Variants in PEX6 observed in about 807,000 individuals in gnomAD.
The protein encoded by PEX6 is peroxisomal biogenesis factor 6.
Under a neutral mutation model 85.6 loss-of-function variants are expected in PEX6, and 55 were observed. That is an observed-to-expected ratio of 0.64 (90% CI 0.52 to 0.80). The LOEUF is 0.80. Ranked by LOEUF, PEX6 falls within the 30% of genes least tolerant of loss-of-function variation. The pLI is 0.00. For missense variants in PEX6, 1,099 were observed against 1,260.3 expected, an observed-to-expected ratio of 0.87 and a Z score of 1.94; for synonymous variants, 519 against 549.1, an observed-to-expected ratio of 0.95 and a Z score of 0.77.
Position 42,967,647 on chromosome 6 carries a change from G to C in PEX6, c.1689-84C>G. The stretch of plus-strand genomic sequence containing the variant: ...GCCTTGTCCCAAAGTCGGCACAGAA[G>C]GGCAGGGAAGTGAGGTGGGTGCTAG... On this transcript the variant is annotated intron_variant, in intron 7 of 16. Transcript: ENST00000304611. The C allele has an allele frequency of 3.1e-6, 4 of 1,292,450 alleles. No homozygotes were observed. The South Asian group carries it at 3.8e-5, about 12-fold the overall frequency. 80.1% of individuals were successfully genotyped at this position (1,292,450 alleles called of 1,614,324 possible). A position where few individuals can be genotyped will look rare whatever the true frequency, so the allele number is the denominator to read the frequency against.
Position 42,978,727 on chromosome 6 carries a change from G to C in PEX6, c.424C>G (p.Arg142Gly). ...CCCAGCAGCCCTTGCAACGCCGGCC[G>C]CGTCTCCAGCACCCGCGGTCCGGGC... ...PVPGPRVLETRPALQGLLGPG... is the reference protein window; with the variant it reads ...PVPGPRVLETGPALQGLLGPG... The change falls in exon 1 of 17, where the codon CGG (arginine) becomes GGG (glycine). Residue 142 changes from arginine to glycine, a missense_variant. Arg to Gly is a moderately radical substitution (Grantham distance 125). This residue lies in a region of PEX6 where 579 missense variants were observed against 611.6 expected (regional missense o/e 0.95). Coordinates refer to ENST00000304611, the MANE Select transcript of PEX6 (RefSeq NM_000287.4). The C allele has an allele frequency of 6.5e-7, 1 of 1,538,898 alleles. No homozygotes were observed. The highest frequency in any genetic ancestry group is 8.7e-7 in the Non-Finnish European group (1 of 1,148,440).
In PEX6 at chr6:42,966,295, G is replaced by T. The variant is rs770291974; in HGVS notation, c.2247C>A (p.Gly749=). 6 of 1,612,390 alleles carry T rather than the reference G, an allele frequency of 3.7e-6. No individual in the cohort carries two copies. The Admixed American group carries it at 8.3e-5, about 22-fold the overall frequency. ...GLLLHGPPGT[G]KTLLAKAVAT... is the part of the protein sequence containing the mutation. ...CTACTGCCTTGGCCAGAAGGGTCTT[G>T]CCGGTGCCAGGGGGCCCATGGAGCA... The change falls in exon 11 of 17, where the codon GGC becomes GGA. Residue 749 remains glycine (G), a synonymous_variant. Transcript: ENST00000304611.
At chr6:42,974,442 G>GTTTTTGTTTTTTTTTTTTTTTTTTT (rs1561827292) in intron 2 of PEX6, among the ~76,000 whole-genome samples, 5 of 115,946 alleles carry the variant, frequency 4.3e-5, no homozygotes, top group Non-Finnish European at 5.1e-5. Flanking sequence ...TGTCTGAAAT[G>GTTTTTGTTTTTTTTTTTTTTTTTTT]TTTTTTTTGT....
At position 42,965,148 on chromosome 6, in the gene PEX6, C is replaced by A; in HGVS notation, c.2593G>T (p.Asp865Tyr). ...DPALLRPGRFDKLVFVGANED... is the reference protein window; with the variant it reads ...DPALLRPGRFYKLVFVGANED... ...TTTGCCCCCACAAACACCAGCTTGT[C>A]AAATCTTTAGGGAGATAGGCAGGTA... The change falls in exon 15 of 17, where the codon GAC becomes TAC. Residue 865 changes from aspartate to tyrosine, a missense_variant. Asp to Tyr is a radical substitution (Grantham distance 160). Coordinates refer to ENST00000304611, the MANE Select transcript of PEX6 (RefSeq NM_000287.4). The surrounding 1 kb of genome is among the most constrained non-coding windows in gnomAD (Gnocchi z 5.0). 6.2e-7 allele frequency: 1 copy of A among 1,614,168 alleles called. No homozygotes were observed. The highest frequency in any genetic ancestry group is 8.5e-7 in the Non-Finnish European group (1 of 1,179,996).
In PEX6 at chr6:42,967,582, G is replaced by T; in HGVS notation, c.1689-19C>A. 1 of 1,584,722 alleles carries T rather than the reference G, an allele frequency of 6.3e-7. No homozygotes were observed. On this transcript the variant is annotated intron_variant, in intron 7 of 16. Coordinates refer to ENST00000304611, the MANE Select transcript of PEX6 (RefSeq NM_000287.4). ...AGGGCAGCTGCAGACAGAGGAGTGG[G>T]CACTGAGGGTGAGAACATGGCTGGC...
chr6:42,978,126 T>C (rs1770381841), intron 1 of PEX6, 143 bp downstream of exon 1: 1 of 1,010,084 alleles, frequency 9.9e-7, no homozygotes, highest in African/African-American at 1.6e-5. Flanking sequence ...ATTACAGGCG[T>C]GAGTCACCGC....
At chr6:42,968,788 G>A (rs1408157450) in intron 6 of PEX6, 86 bp downstream of exon 6, 11 of 1,004,040 alleles carry the variant, frequency 1.1e-5, no homozygotes, top group Non-Finnish European at 1.8e-5. Flanking sequence ...GTAGACAGAG[G>A]AGGGAGGGGA....
intron 3 of PEX6, among the ~76,000 whole-genome samples, chr6:42,970,629 G>A (rs1770029091): frequency 6.6e-6 from 1 of 152,190 alleles, no homozygotes; most frequent in Non-Finnish European, 1.5e-5. Flanking sequence ...TGTTGAAAAT[G>A]TTCTGGAATG....
rs778025463 is a variant in PEX6 at position 42,969,722 on chromosome 6, A to G, written c.1313T>C (p.Leu438Pro). The change falls in exon 5 of 17, where the codon CTG becomes CCG. Residue 438 changes from leucine (L) to proline (P), a missense_variant. Physicochemically the swap from Leu to Pro is moderately conservative, Grantham distance 98 (BLOSUM62 -3). Around this residue, in one of 3 missense-constraint regions of PEX6, gnomAD observed 579 missense variants for 611.6 expected, o/e 0.95. Coordinates refer to ENST00000304611, the MANE Select transcript of PEX6 (RefSeq NM_000287.4). The part of the protein sequence containing the change: ...TLWSSLSPPG[L>P]EALVSELCAV... ...ACAGAGTTCAGACACCAAGGCCTCC[A>G]GGCCTGGAGGAGACAAACTGCTCCA... The G allele has an allele frequency of 4.3e-6, 7 of 1,613,558 alleles. No homozygotes were observed. The Admixed American group carries it at 1.2e-4, about 27-fold the overall frequency.
chr6:42,967,929 C>T (rs1012178714), intron 7 of PEX6, among the ~76,000 whole-genome samples: 2 of 146,740 alleles, frequency 1.4e-5, no homozygotes, highest in Admixed American at 6.9e-5. Flanking sequence ...AGTAGGAGGG[C>T]TGGCCCCCCC....
intron 5 of PEX6, 86 bp downstream of exon 5, chr6:42,969,582 A>G: frequency 1.3e-6 from 2 of 1,537,392 alleles, no homozygotes; most frequent in Non-Finnish European, 1.8e-6. Flanking sequence ...TGGCCAGTTC[A>G]TTAGGAACTA....
chr6:42,968,867 C>T lies in PEX6; in HGVS notation c.1479+7G>A, dbSNP rs528161793. On this transcript the variant is annotated splice_region_variant and intron_variant, in intron 6 of 16. Coordinates refer to ENST00000304611, the MANE Select transcript of PEX6 (RefSeq NM_000287.4). ...TAGCTGGGGTTCTACTCTCCAGAGA[C>T]CCTCACCTTCAGTAAGTGGAGCCCA... 87 of 1,597,298 alleles carry T rather than the reference C, an allele frequency of 5.4e-5. No homozygotes were observed. In the South Asian group the frequency reaches 8.9e-4, roughly 16 times the overall value.
At chr6:42,977,588 G>T (rs1187909441) in intron 1 of PEX6, among the ~76,000 whole-genome samples, 1 of 151,744 alleles carries the variant, frequency 6.6e-6, no homozygotes, top group Non-Finnish European at 1.5e-5. Context: ...AGACCAGCCT[G>T]ACCAATACGG....
chr6:42,969,546 T>C (rs1311285163), intron 5 of PEX6, 122 bp downstream of exon 5: 4 of 1,232,406 alleles, frequency 3.2e-6, no homozygotes, highest in Non-Finnish European at 4.8e-6. Flanking sequence ...CATACTGGTT[T>C]GAGGAAGGTC....
chr6:42,974,888 A>C lies in PEX6; in HGVS notation c.1033T>G (p.Phe345Val). The C allele has an allele frequency of 6.2e-7, 1 of 1,614,064 alleles. No homozygotes were observed. Among genetic ancestry groups the C allele is most frequent in the Non-Finnish European group, 8.5e-7 (1 of 1,179,938 alleles). ...TAGGTAGCTAACCTGGGTATCTGAA[A>C]GTGCCGGTAAAGAACACCGTCATAA... ...GNYDGVLYRH[F>V]QIPRVVQEGD... Residue 345 changes from phenylalanine to valine, a missense_variant, in exon 2 of 17, where the codon TTT (phenylalanine) becomes GTT (valine). By Grantham distance (50) the Phe-to-Val change is conservative. Transcript: ENST00000304611.
At chr6:42,972,280 A>T (rs757445254) in intron 3 of PEX6, among the ~76,000 whole-genome samples, 2 of 152,230 alleles carry the variant, frequency 1.3e-5, no homozygotes, top group Non-Finnish European at 2.9e-5. Context: ...ATGCTGGGAT[A>T]CAGAGCTATA....
rs1769873242 is a variant in PEX6 at position 42,967,433 on chromosome 6, C to A, written c.1819G>T (p.Ala607Ser). 6.2e-7 allele frequency: 1 copy of A among 1,613,168 alleles called. No homozygotes were observed. Among genetic ancestry groups the A allele is most frequent in the Admixed American group, 1.7e-5 (1 of 59,932 alleles). Reference sequence around the variant, plus strand: ...CCCAGGGGAAGGTGGGCAGTGAGGGCCCGCAGGATGCTGAGCCGCTGCCCC... The same window carrying A: ...CCCAGGGGAAGGTGGGCAGTGAGGGACCGCAGGATGCTGAGCCGCTGCCCC... ...SEGQRLSILRALTAHLPLGQE... is the reference protein window; with the variant it reads ...SEGQRLSILRSLTAHLPLGQE... Residue 607 changes from alanine to serine, a missense_variant, in exon 8 of 17, where the codon GCC (alanine) becomes TCC (serine). Ala to Ser is a moderately conservative substitution (Grantham distance 99). This residue lies in a region of PEX6 where 514 missense variants were observed against 627.0 expected (regional missense o/e 0.82). Transcript: ENST00000304611.
rs1426849356 is a variant in PEX6, at chr6:42,971,966, C to T, written c.1131-1979G>A. On this transcript the variant is annotated intron_variant, in intron 3 of 16. Transcript: ENST00000304611. This position sits in a 1 kb window ranked among gnomAD's most constrained non-coding sequence, Gnocchi z 4.4. ...TGCTAAGTGCCAGCCTGGCATTTTC[C>T]ACCAGACTCGTGGACTTAATCTGGA... Among the ~76,000 whole-genome samples the T allele has an allele frequency of 1.3e-5, 2 of 152,230 alleles. No homozygotes were observed. The highest frequency in any genetic ancestry group is 4.8e-5 in the African/African-American group (2 of 41,456).
chr6:42,968,897 G>A lies in PEX6; in HGVS notation c.1456C>T (p.His486Tyr), dbSNP rs1320010518. 3 of 1,613,872 alleles carry A rather than the reference G, an allele frequency of 1.9e-6. No individual in the cohort carries two copies. The highest frequency in any genetic ancestry group is 2.5e-6 in the Non-Finnish European group (3 of 1,179,776). ...KTTVVAAACSHLGLHLLKVPC... is the reference protein window; with the variant it reads ...KTTVVAAACSYLGLHLLKVPC... ...ACCTTCAGTAAGTGGAGCCCAAGGT[G>A]ACTACAGGCAGCAGCAACTACTGTG... Residue 486 changes from histidine (H) to tyrosine (Y), a missense_variant, in exon 6 of 17, where the codon CAC (histidine) becomes TAC (tyrosine). Physicochemically the swap from His to Tyr is moderately conservative, Grantham distance 83. Coordinates refer to ENST00000304611, the MANE Select transcript of PEX6 (RefSeq NM_000287.4).
Sources: allele counts gnomAD v4.1 joint callset (sites outside exome capture counted in the v4.1 genomes callset), GRCh38; gene constraint gnomAD v4.1.1; regional missense constraint gnomAD v4.1.1; non-coding constraint Gnocchi (gnomAD v3.1); transcripts MANE v1.5; gene names NCBI Gene and HGNC (gene_info 2026-07-23, HGNC 2026-07-21).